OSBPL5: variants seen among roughly 807,000 people sequenced by gnomAD.
OSBPL5 encodes the protein oxysterol binding protein like 5, also known as oxysterol-binding protein-related protein 5.
A neutral mutation model predicts 111.2 loss-of-function variants in OSBPL5; 71 were observed. The observed-to-expected ratio is 0.64, with a 90% CI of 0.53 to 0.78. OSBPL5 has a LOEUF of 0.78. Among genes scored for constraint, OSBPL5 ranks in the 30% least tolerant of loss-of-function variants. The pLI, the probability that OSBPL5 is intolerant of heterozygous loss-of-function variation, is 0.00. For synonymous variants in OSBPL5, 549 were observed against 513.9 expected (o/e 1.07, Z -0.93); for missense variants, 1,210 against 1,189.3 (o/e 1.02, Z -0.26).
chr11:3,157,928 G>T (rs529572061), intron 1 of OSBPL5, among the ~76,000 whole-genome samples: 9 of 152,350 alleles, frequency 5.9e-5, no homozygotes, highest in African/African-American at 2.2e-4. Context: ...GCACACTGGG[G>T]CCAAGCACCC....
In OSBPL5 at chr11:3,109,793, G is replaced by T. The variant is rs887977069; in HGVS notation, c.692-1848C>A. Among the ~76,000 whole-genome samples the T allele has an allele frequency of 1.3e-5, 2 of 152,170 alleles. No homozygotes were observed. Among genetic ancestry groups the T allele is most frequent in the South Asian group, 4.1e-4 (2 of 4,830 alleles). On this transcript the variant is annotated intron_variant, in intron 7 of 21. Transcript: ENST00000263650. The surrounding 1 kb of genome is among the most constrained non-coding windows in gnomAD (Gnocchi z 7.4). The stretch of plus-strand genomic sequence containing the variant: ...AGTTGGCCCCAGGGCCTGAACACGT[G>T]TGCTTTGTAGCTGCCACAAAGGACT...
rs1025224721 is a variant in OSBPL5, at chr11:3,142,609, C to A, written c.-21-13440G>T. Among the ~76,000 whole-genome samples the A allele has an allele frequency of 6.6e-6, 1 of 152,222 alleles. No homozygotes were observed. Among genetic ancestry groups the A allele is most frequent in the East Asian group, 1.9e-4 (1 of 5,192 alleles). ...TACAGGTCTGAGAGTCACCGTCTCG[C>A]GGGTGGAGAGCCTGGGTGGTGCGTT... On this transcript the variant is annotated intron_variant, in intron 1 of 21. Transcript: ENST00000263650. This position sits in a 1 kb window ranked among gnomAD's most constrained non-coding sequence, Gnocchi z 7.1.
chr11:3,118,368 T>G (rs1186014217), intron 7 of OSBPL5, among the ~76,000 whole-genome samples: 2 of 152,186 alleles, frequency 1.3e-5, no homozygotes, highest in Non-Finnish European at 2.9e-5. Flanking sequence ...CTAATCTACC[T>G]ATGACCTGGA....
chr11:3,093,963 C>T (rs1442888095), intron 15 of OSBPL5, 128 bp from the exon 16 acceptor site: 10 of 1,184,722 alleles, frequency 8.4e-6, no homozygotes, highest in Non-Finnish European at 1.2e-5. Context: ...TGGACCCAAC[C>T]CTCGCCAACG....
chr11:3,107,530 T>C lies in OSBPL5; in HGVS notation c.867-75A>G. ...CACAGCCCTCTGGGCTGCCCACCCCTCGCTGCTCCGCACTTCACATACGTT... is the reference window on the plus strand; with the variant it reads ...CACAGCCCTCTGGGCTGCCCACCCCCCGCTGCTCCGCACTTCACATACGTT... On this transcript the variant is annotated intron_variant, in intron 8 of 21. Coordinates refer to ENST00000263650, the MANE Select transcript of OSBPL5 (RefSeq NM_020896.4). The surrounding 1 kb of genome is among the most constrained non-coding windows in gnomAD (Gnocchi z 6.1). The C allele has an allele frequency of 1.3e-6, 2 of 1,526,480 alleles. No individual in the cohort carries two copies. Among genetic ancestry groups the C allele is most frequent in the Non-Finnish European group, 1.8e-6 (2 of 1,111,700 alleles). The allele number at this position is 1,526,480 out of a possible 1,614,324, so 94.6% of individuals were successfully genotyped here. A position where few individuals can be genotyped will look rare whatever the true frequency, so the allele number is the denominator to read the frequency against.
rs770226045 is a variant in OSBPL5, at chr11:3,090,538, C to T, written c.2398+20G>A. 1.2e-6 allele frequency: 2 copies of T among 1,608,410 alleles called. No homozygotes were observed. Among genetic ancestry groups the T allele is most frequent in the Admixed American group, 3.3e-5 (2 of 59,844 alleles). ...ACCCCACCAGACAGAGGCCTTGGGG[C>T]TGGGCCCAAGGGGGCTCACCAGGGA... is the stretch of plus-strand genomic sequence containing the variant. On this transcript the variant is annotated intron_variant, in intron 20 of 21. Transcript: ENST00000263650.
At chr11:3,133,982 T>TA (rs555365902) in intron 1 of OSBPL5, among the ~76,000 whole-genome samples, 1 of 129,286 alleles carries the variant, frequency 7.7e-6, no homozygotes, top group Admixed American at 7.4e-5. Context: ...CGGGGCTTGG[T>TA]GGGGGGGGGG....
chr11:3,097,523 C>A (rs1857315661), intron 14 of OSBPL5, among the ~76,000 whole-genome samples: 1 of 152,148 alleles, frequency 6.6e-6, no homozygotes, highest in African/African-American at 2.4e-5. Flanking sequence ...TTTCAGCCAA[C>A]AAAACGAAAA....
chr11:3,148,000 C>T (rs1043906231), intron 1 of OSBPL5, among the ~76,000 whole-genome samples: 18 of 152,336 alleles, frequency 1.2e-4, no homozygotes, highest in African/African-American at 3.8e-4. Context: ...TCTCCTGTTC[C>T]TCATCCTCCG....
At position 3,162,906 on chromosome 11, in the gene OSBPL5, C is replaced by G. The variant is rs79543704; in HGVS notation, c.-22+2310G>C. Reference sequence around the variant, plus strand: ...TCACTTGTACCCCCCAACATCTACCCCCCAGCACACTGGTGCACTCCCTGG... The same window carrying G: ...TCACTTGTACCCCCCAACATCTACCGCCCAGCACACTGGTGCACTCCCTGG... On this transcript the variant is annotated intron_variant, in intron 1 of 21. Transcript: ENST00000263650. This position sits in a 1 kb window ranked among gnomAD's most constrained non-coding sequence, Gnocchi z 8.1. 8.3e-3 allele frequency among the ~76,000 whole-genome samples: 1,258 copies of G among 152,148 alleles called. 37 individuals carry two copies. The East Asian group carries it at 0.11, about 13-fold the overall frequency.
intron 13 of OSBPL5, among the ~76,000 whole-genome samples, chr11:3,101,393 A>G (rs1195085722): frequency 6.6e-6 from 1 of 152,048 alleles, no homozygotes; most frequent in Non-Finnish European, 1.5e-5. Flanking sequence ...GTCCCTACAA[A>G]AGGTGCCCAC....
chr11:3,100,859 C>T (rs755359899), intron 13 of OSBPL5, among the ~76,000 whole-genome samples: 6 of 152,188 alleles, frequency 3.9e-5, no homozygotes, highest in Non-Finnish European at 5.9e-5. Flanking sequence ...GCAGTGCAGT[C>T]CAATGGGGCT....
chr11:3,131,364 T>TCCAC (rs1858821147), intron 1 of OSBPL5, among the ~76,000 whole-genome samples: 1 of 143,770 alleles, frequency 7.0e-6, no homozygotes, highest in Non-Finnish European at 1.5e-5. Flanking sequence ...CATCCATCCA[T>TCCAC]CCACCCACCC....
intron 1 of OSBPL5, among the ~76,000 whole-genome samples, chr11:3,143,355 G>A (rs898812476): frequency 1.3e-5 from 2 of 152,124 alleles, no homozygotes; most frequent in Admixed American, 6.5e-5. Flanking sequence ...GCACGGACGC[G>A]ACACACCCAA....
rs1856936252 is a variant in OSBPL5 at position 3,088,190 on chromosome 11, C to G, written c.*15G>C. On this transcript the variant is annotated 3_prime_UTR_variant, in exon 22 of 22. Transcript: ENST00000263650. ...GAGGGCTCAGGACCGGCCAGGAGCTCTGCCCTCAGGGCTCCTATTTGAGGA... is the reference window on the plus strand; with the variant it reads ...GAGGGCTCAGGACCGGCCAGGAGCTGTGCCCTCAGGGCTCCTATTTGAGGA... 4 of 1,560,990 alleles carry G rather than the reference C, an allele frequency of 2.6e-6. No homozygotes were observed. The South Asian group carries it at 4.8e-5, about 19-fold the overall frequency.
chr11:3,103,752 T>C (rs1857556069), intron 10 of OSBPL5, among the ~76,000 whole-genome samples: 1 of 33,450 alleles, frequency 3.0e-5, no homozygotes, highest in Non-Finnish European at 7.0e-5. Flanking sequence ...GCAACCCTCT[T>C]CCAGCTCTGC....
chr11:3,154,088 G>A lies in OSBPL5; in HGVS notation c.-22+11128C>T, dbSNP rs540072829. 6.6e-6 allele frequency among the ~76,000 whole-genome samples: 1 copy of A among 152,348 alleles called. No individual in the cohort carries two copies. Among genetic ancestry groups the A allele is most frequent in the African/African-American group, 2.4e-5 (1 of 41,588 alleles). On this transcript the variant is annotated intron_variant, in intron 1 of 21. Coordinates refer to ENST00000263650, the MANE Select transcript of OSBPL5 (RefSeq NM_020896.4). The surrounding 1 kb of genome is among the most constrained non-coding windows in gnomAD (Gnocchi z 4.9). ...ATGGCATTCAAACCGCCGCTGGTGT[G>A]TGGCCCCTTATCCACTCTCCCTGGG... is the stretch of plus-strand genomic sequence containing the variant.
intron 14 of OSBPL5, 85 bp downstream of exon 14, chr11:3,100,073 C>A: frequency 3.6e-6 from 4 of 1,115,232 alleles, no homozygotes; most frequent in Non-Finnish European, 3.9e-6. Flanking sequence ...AAGATACCTT[C>A]AAGCAAATAA....
intron 7 of OSBPL5, among the ~76,000 whole-genome samples, chr11:3,116,636 C>T (rs1358931300): frequency 6.6e-6 from 1 of 152,146 alleles, no homozygotes; most frequent in African/African-American, 2.4e-5. Flanking sequence ...GGGCGGATCA[C>T]TTGAGGTCAG....
Sources: gnomAD v4.1 joint callset for allele counts (sites outside exome capture counted in the v4.1 genomes callset) on GRCh38, gnomAD v4.1.1 for gene constraint, Gnocchi (gnomAD v3.1) non-coding constraint, MANE v1.5 for transcripts, NCBI Gene and HGNC (gene_info 2026-07-23, HGNC 2026-07-21) for gene names.